Variants in CACNA1I observed in about 807,000 individuals in gnomAD.
CACNA1I encodes calcium voltage-gated channel subunit alpha1 I.
Under a neutral mutation model 201.6 loss-of-function variants are expected in CACNA1I, and 74 were observed. That is an observed-to-expected ratio of 0.37 (90% CI 0.30 to 0.45). The LOEUF (loss-of-function observed/expected upper bound fraction) is 0.45. Among genes scored for constraint, CACNA1I ranks in the 20% least tolerant of loss-of-function variants. The pLI, the probability that CACNA1I is intolerant of heterozygous loss-of-function variation, is 1.00. For synonymous variants in CACNA1I, 1,431 were observed against 1,345.2 expected (o/e 1.06, Z -1.40); for missense variants, 2,346 against 3,138.1 (o/e 0.75, Z 6.03).
intron 1 of CACNA1I, among the ~76,000 whole-genome samples, chr22:39,576,723 C>T (rs558738078): frequency 6.6e-6 from 1 of 152,346 alleles, no homozygotes; most frequent in South Asian, 2.1e-4. Flanking sequence ...CCTCGTCTCC[C>T]TGTCTGTGGG....
At chr22:39,644,741 G>A (rs536918113) in intron 7 of CACNA1I, among the ~76,000 whole-genome samples, 24 of 151,688 alleles carry the variant, frequency 1.6e-4, no homozygotes, top group Non-Finnish European at 3.2e-4. Flanking sequence ...AGGCTGGAGT[G>A]CTGTGGTGCA....
At chr22:39,656,977 G>GGGC (rs1472292638) in intron 10 of CACNA1I, among the ~76,000 whole-genome samples, 1 of 152,188 alleles carries the variant, frequency 6.6e-6, no homozygotes, top group East Asian at 1.9e-4. Context: ...GGGAGAGAAG[G>GGGC]GGCTGGGCCT....
chr22:39,614,535 T>C (rs1933474955), intron 3 of CACNA1I, among the ~76,000 whole-genome samples: 1 of 152,210 alleles, frequency 6.6e-6, no homozygotes, highest in Non-Finnish European at 1.5e-5. Context: ...GGCTGCTGCT[T>C]AGCCAGGGAG....
chr22:39,671,011 A>T, intron 26 of CACNA1I, 57 bp downstream of exon 26: 2 of 1,534,000 alleles, frequency 1.3e-6, no homozygotes, highest in Non-Finnish European at 1.8e-6. Context: ...GGGTCTCAGC[A>T]GGACCCCACC....
chr22:39,571,139 A>G (rs1932169970), intron 1 of CACNA1I, 151 bp downstream of exon 1: 2 of 687,774 alleles, frequency 2.9e-6, no homozygotes. Flanking sequence ...GCGAGCTCAG[A>G]GGGTGGGTCT....
In CACNA1I at chr22:39,667,157, C is replaced by A. The variant is rs992630664; in HGVS notation, c.4105-1135C>A. Among the ~76,000 whole-genome samples the A allele has an allele frequency of 6.6e-5, 10 of 152,246 alleles. No individual in the cohort carries two copies. The East Asian group carries it at 1.9e-3, about 29-fold the overall frequency. ...GCCAGACCCTCTGTTCCAGTGTCCT[C>A]ATTTGTCAACAGGGACAGTGATGGC... On this transcript the variant is annotated intron_variant, in intron 23 of 36. Transcript: ENST00000402142.
chr22:39,573,449 G>A (rs572174461), intron 1 of CACNA1I, among the ~76,000 whole-genome samples: 1 of 152,180 alleles, frequency 6.6e-6, no homozygotes, highest in Non-Finnish European at 1.5e-5. Flanking sequence ...ACGTGTCACG[G>A]AGAGGCCCCT....
chr22:39,577,953 T>C (rs1932414165), intron 1 of CACNA1I, among the ~76,000 whole-genome samples: 1 of 152,214 alleles, frequency 6.6e-6, no homozygotes, highest in Admixed American at 6.5e-5. Context: ...GTTGGGGATA[T>C]TAAGGGGGAT....
At chr22:39,630,211 T>A (rs1934020626) in intron 4 of CACNA1I, among the ~76,000 whole-genome samples, 1 of 152,220 alleles carries the variant, frequency 6.6e-6, no homozygotes, top group Non-Finnish European at 1.5e-5. Context: ...CTATTTAATG[T>A]TCACCCGACC....
chr22:39,684,881 T>G lies in CACNA1I; in HGVS notation c.6027+383T>G. Reference sequence around the variant, plus strand: ...CTCTGGGTGGGTGTGAGTGGGGGCTTGATTACTAGGAATGGAGGTGGGAGG... The same window carrying G: ...CTCTGGGTGGGTGTGAGTGGGGGCTGGATTACTAGGAATGGAGGTGGGAGG... On this transcript the variant is annotated intron_variant, in intron 36 of 36. Transcript: ENST00000402142. This position sits in a 1 kb window ranked among gnomAD's most constrained non-coding sequence, Gnocchi z 4.6. The G allele has an allele frequency of 2.3e-6, 1 of 428,518 alleles. No individual in the cohort carries two copies. Among genetic ancestry groups the G allele is most frequent in the South Asian group, 3.7e-5 (1 of 27,186 alleles). The allele number at this position is 428,518 out of a possible 1,614,324, so 26.5% of individuals were successfully genotyped here. A position where few individuals can be genotyped will look rare whatever the true frequency, so the allele number is the denominator to read the frequency against.
chr22:39,616,764 C>CAAAAAA (rs66551782), intron 3 of CACNA1I, among the ~76,000 whole-genome samples: 2 of 107,366 alleles, frequency 1.9e-5, no homozygotes, highest in Admixed American at 8.9e-5. Flanking sequence ...AACTCTGTCT[C>CAAAAAA]AAAAAAAAAA....
chr22:39,674,136 G>A (rs1302313737), intron 29 of CACNA1I, 103 bp downstream of exon 29: 1 of 1,118,612 alleles, frequency 8.9e-7, no homozygotes, highest in African/African-American at 1.5e-5. Flanking sequence ...ATCTGCCAGA[G>A]CCAGGGCAGA....
At chr22:39,608,810 A>G (rs1302737758) in intron 3 of CACNA1I, among the ~76,000 whole-genome samples, 2 of 151,866 alleles carry the variant, frequency 1.3e-5, no homozygotes, top group African/African-American at 4.8e-5. Context: ...ACAGAGTGAG[A>G]TCCTGTCTCA....
intron 10 of CACNA1I, chr22:39,656,354 C>T (rs1306642561): frequency 3.9e-6 from 2 of 514,742 alleles, no homozygotes; most frequent in Non-Finnish European, 7.8e-6. Flanking sequence ...CTGGGTCCTC[C>T]ACCTGCACAC....
rs60265031 is a variant in CACNA1I, at chr22:39,665,564, C to A, written c.3918C>A (p.Ile1306=). ...VETLISSLKP[I]GNIVLICCAF... The stretch of plus-strand genomic sequence containing the variant: ...CACTCATCTCCTCCCTCAAGCCCAT[C>A]GGCAACATCGTGCTCATCTGCTGTG... Residue 1306 remains isoleucine, a synonymous_variant, in exon 22 of 37, where the codon ATC becomes ATA. Transcript: ENST00000402142. The surrounding 1 kb of genome is among the most constrained non-coding windows in gnomAD (Gnocchi z 5.5). The A allele has an allele frequency of 1.1e-5, 18 of 1,613,842 alleles. No individual in the cohort carries two copies. The South Asian group carries it at 2.0e-4, about 18-fold the overall frequency.
chr22:39,681,464 G>A (rs572600714), intron 34 of CACNA1I, among the ~76,000 whole-genome samples: 18 of 152,318 alleles, frequency 1.2e-4, no homozygotes, highest in Admixed American at 7.8e-4. Context: ...CGCTCTGCCC[G>A]TGCCACCTGT....
At chr22:39,625,467 C>T (rs980446950) in intron 4 of CACNA1I, among the ~76,000 whole-genome samples, 1 of 152,108 alleles carries the variant, frequency 6.6e-6, no homozygotes, top group African/African-American at 2.4e-5. Flanking sequence ...CTGAGAAGTC[C>T]CTTGGCATCT....
At chr22:39,668,601 C>T (rs910489949) in intron 24 of CACNA1I, among the ~76,000 whole-genome samples, 2 of 152,306 alleles carry the variant, frequency 1.3e-5, no homozygotes, top group African/African-American at 2.4e-5. Context: ...TTGGCAAACC[C>T]CCCCACTTTG....
chr22:39,625,914 A>G (rs1223782571), intron 4 of CACNA1I, among the ~76,000 whole-genome samples: 1 of 151,776 alleles, frequency 6.6e-6, no homozygotes, highest in Non-Finnish European at 1.5e-5. Flanking sequence ...TCATTTACAT[A>G]TGAAAAGTGC....
Sources: gnomAD v4.1 joint callset for allele counts (sites outside exome capture counted in the v4.1 genomes callset) on GRCh38, gnomAD v4.1.1 for gene constraint, Gnocchi (gnomAD v3.1) non-coding constraint, MANE v1.5 for transcripts, NCBI Gene and HGNC (gene_info 2026-07-23, HGNC 2026-07-21) for gene names.